CPLX4: variants seen among roughly 807,000 people sequenced by gnomAD.
CPLX4 encodes complexin 4, also known as complexin-4.
In CPLX4, 17 loss-of-function variants were observed where a neutral mutation model predicts 16.1. The observed-to-expected ratio is 1.06, with a 90% CI of 0.72 to 1.59. CPLX4 has a LOEUF of 1.59. CPLX4 is among the 40% of genes most tolerant of loss of function. The probability of loss-of-function intolerance (pLI) is 0.00; values close to 1 mark genes in which losing one functional copy is unlikely to be tolerated. For missense variants in CPLX4, 193 were observed against 192.9 expected (o/e 1.00, Z 0.00); for synonymous variants, 55 against 57.8 (o/e 0.95, Z 0.22).
At chr18:59,307,156 G>A (rs893752178) in intron 2 of CPLX4, among the ~76,000 whole-genome samples, 99 of 152,210 alleles carry the variant, frequency 6.5e-4, no homozygotes, top group Admixed American at 6.5e-3. Context: ...AGTCCTGGAT[G>A]AAGAGTAAGG....
Position 59,318,583 on chromosome 18 carries a change from G to A in CPLX4, c.-121C>T, listed in dbSNP as rs1253944366. On this transcript the variant is annotated 5_prime_UTR_variant, in exon 1 of 3. Transcript: ENST00000299721. ...GACAGCAATACATTTAAGAGCAAAG[G>A]ACTTTGCACAACCTCATCTATTCAA... is the stretch of plus-strand genomic sequence containing the variant. 4 of 1,441,428 alleles carry A rather than the reference G, an allele frequency of 2.8e-6. No homozygotes were observed. The highest frequency in any genetic ancestry group is 3.6e-6 in the Non-Finnish European group (4 of 1,101,782). 89.3% of individuals were successfully genotyped at this position (1,441,428 alleles called of 1,614,324 possible).
At position 59,312,767 on chromosome 18, in the gene CPLX4, TC is replaced by T; in HGVS notation, c.172del (p.Glu58LysfsTer53). The T allele has an allele frequency of 7.6e-7, 1 of 1,310,986 alleles. No individual in the cohort carries two copies. Among genetic ancestry groups the T allele is most frequent in the Non-Finnish European group, 1.1e-6 (1 of 904,078 alleles). The allele number at this position is 1,310,986 out of a possible 1,614,324, so 81.2% of individuals were successfully genotyped here. On this transcript the variant is annotated frameshift_variant, in exon 2 of 3. Transcript: ENST00000299721. LOFTEE classifies it high-confidence loss of function. The part of the protein sequence containing the change: ...YQKQMIEEKM[E>X]RDAAFTQKKA... The stretch of plus-strand genomic sequence containing the variant: ...TTTCTGTGTAAATGCAGCATCTCTT[TC>T]CATCCTAAAAGTTAAAGAATAAAGG...
At chr18:59,316,030 C>T (rs1262861699) in intron 1 of CPLX4, among the ~76,000 whole-genome samples, 1 of 152,160 alleles carries the variant, frequency 6.6e-6, no homozygotes, top group Non-Finnish European at 1.5e-5. Flanking sequence ...ACATTCCTCA[C>T]AATGCTATGC....
intron 2 of CPLX4, among the ~76,000 whole-genome samples, chr18:59,297,866 T>C (rs2144177198): frequency 6.6e-6 from 1 of 152,332 alleles, no homozygotes; most frequent in East Asian, 1.9e-4. Flanking sequence ...TCATGGGCTC[T>C]TGTCAGATTC....
intron 2 of CPLX4, among the ~76,000 whole-genome samples, chr18:59,308,836 C>G (rs779015487): frequency 1.3e-5 from 2 of 152,222 alleles, no homozygotes. Flanking sequence ...CATGGGCCAT[C>G]GAAGGGTCCC....
chr18:59,299,509 C>T (rs1274786488), intron 2 of CPLX4, among the ~76,000 whole-genome samples: 9 of 152,230 alleles, frequency 5.9e-5, no homozygotes, highest in Non-Finnish European at 1.2e-4. Flanking sequence ...TATAAAACAC[C>T]GAACACACTC....
chr18:59,303,884 G>T (rs1340224198), intron 2 of CPLX4, among the ~76,000 whole-genome samples: 1 of 152,200 alleles, frequency 6.6e-6, no homozygotes, highest in African/African-American at 2.4e-5. Context: ...AGAGATGGCG[G>T]CTGCTGGGGC....
chr18:59,313,064 T>C (rs968794744), intron 1 of CPLX4, among the ~76,000 whole-genome samples: 3 of 152,160 alleles, frequency 2.0e-5, no homozygotes, highest in Non-Finnish European at 4.4e-5. Flanking sequence ...CCGTGGACTG[T>C]TCAGCCAGGG....
chr18:59,308,417 G>A (rs191957241), intron 2 of CPLX4, among the ~76,000 whole-genome samples: 38 of 152,120 alleles, frequency 2.5e-4, no homozygotes, highest in African/African-American at 8.7e-4. Context: ...TATGCCATGG[G>A]AGGATAGAAA....
chr18:59,296,615 A>T lies in CPLX4; in HGVS notation c.*83T>A, dbSNP rs2070502333. Reference sequence around the variant, plus strand: ...TTTCCTAACTGTGTTCACTACATTAAAACATGTACTGCTTGAAACGTCCCA... The same window carrying T: ...TTTCCTAACTGTGTTCACTACATTATAACATGTACTGCTTGAAACGTCCCA... On this transcript the variant is annotated 3_prime_UTR_variant, in exon 3 of 3. Transcript: ENST00000299721. The T allele has an allele frequency of 2.0e-6, 3 of 1,477,594 alleles. No individual in the cohort carries two copies. In the African/African-American group the frequency reaches 4.2e-5, roughly 21 times the overall value. 91.5% of individuals were successfully genotyped at this position (1,477,594 alleles called of 1,614,324 possible).
Position 59,296,747 on chromosome 18 carries a change from G to A in CPLX4, c.434C>T (p.Thr145Ile). The change falls in exon 3 of 3, where the codon ACC (threonine) becomes ATC (isoleucine). Residue 145 changes from threonine to isoleucine, a missense_variant. Coordinates refer to ENST00000299721, the MANE Select transcript of CPLX4 (RefSeq NM_181654.4). Reference protein sequence around the residue: ...LDTIKEKAQATFTEIKQTAEQ... With the variant: ...LDTIKEKAQAIFTEIKQTAEQ... Reference sequence around the variant, plus strand: ...CGCTGTCTGCTTGATTTCAGTGAAGGTGGCCTGGGCTTTTTCTTTTATGGT... The same window carrying A: ...CGCTGTCTGCTTGATTTCAGTGAAGATGGCCTGGGCTTTTTCTTTTATGGT... 1 of 1,613,738 alleles carries A rather than the reference G, an allele frequency of 6.2e-7. No homozygotes were observed. Among genetic ancestry groups the A allele is most frequent in the Non-Finnish European group, 8.5e-7 (1 of 1,179,956 alleles).
rs1022771423 is a variant in CPLX4 at position 59,318,465 on chromosome 18, T to C, written c.-3A>G. 3 of 1,594,400 alleles carry C rather than the reference T, an allele frequency of 1.9e-6. No homozygotes were observed. Among genetic ancestry groups the C allele is most frequent in the Non-Finnish European group, 2.6e-6 (3 of 1,173,188 alleles). On this transcript the variant is annotated 5_prime_UTR_variant, in exon 1 of 3. Transcript: ENST00000299721. The stretch of plus-strand genomic sequence containing the variant: ...ATACTTTTCATAAGGAAAGCCATTT[T>C]CTCTGCCCCAGAAAAATAAAACCAA...
Position 59,296,663 on chromosome 18 carries a change from G to A in CPLX4, c.*35C>T. 6.2e-7 allele frequency: 1 copy of A among 1,606,414 alleles called. No individual in the cohort carries two copies. Among genetic ancestry groups the A allele is most frequent in the Non-Finnish European group, 8.5e-7 (1 of 1,174,992 alleles). ...CCACAAGAGAGTGGTCTTTTCCAAG[G>A]ATGGCTGGTTCCCTCCCTCCACCCC... is the stretch of plus-strand genomic sequence containing the variant. On this transcript the variant is annotated 3_prime_UTR_variant, in exon 3 of 3. Coordinates refer to ENST00000299721, the MANE Select transcript of CPLX4 (RefSeq NM_181654.4).
At chr18:59,309,458 A>G (rs989180476) in intron 2 of CPLX4, among the ~76,000 whole-genome samples, 2 of 152,196 alleles carry the variant, frequency 1.3e-5, no homozygotes, top group Non-Finnish European at 2.9e-5. Flanking sequence ...GAGAAATAAT[A>G]TGCTCCCATT....
rs1040680574 is a variant in CPLX4, at chr18:59,296,284, C to T, written c.*414G>A. The T allele has an allele frequency of 1.7e-5, 4 of 231,410 alleles. No homozygotes were observed. Among genetic ancestry groups the T allele is most frequent in the African/African-American group, 9.5e-5 (4 of 41,996 alleles). The allele number at this position is 231,410 out of a possible 1,614,324, so 14.3% of individuals were successfully genotyped here. A position where few individuals can be genotyped will look rare whatever the true frequency, so the allele number is the denominator to read the frequency against. ...TGGGAAACCCGGCTCCCAGTAGACA[C>T]CTTGACTCTCCACATTTCTCTCTGA... is the stretch of plus-strand genomic sequence containing the variant. On this transcript the variant is annotated 3_prime_UTR_variant, in exon 3 of 3. Coordinates refer to ENST00000299721, the MANE Select transcript of CPLX4 (RefSeq NM_181654.4).
chr18:59,316,622 T>C (rs904747891), intron 1 of CPLX4, among the ~76,000 whole-genome samples: 2 of 152,170 alleles, frequency 1.3e-5, no homozygotes, highest in Non-Finnish European at 2.9e-5. Context: ...ATTGAGTGAC[T>C]ACATAAATAT....
intron 1 of CPLX4, among the ~76,000 whole-genome samples, chr18:59,315,322 C>G (rs2070644502): frequency 6.6e-6 from 1 of 152,178 alleles, no homozygotes; most frequent in African/African-American, 2.4e-5. Flanking sequence ...TTTTCATGTA[C>G]TAATTGGCCA....
At position 59,318,373 on chromosome 18, in the gene CPLX4, A is replaced by G; in HGVS notation, c.90T>C (p.Gly30=). ...GGSEENKEEG[G]ASDPAAAQGM... ...CTTGAGCTGCTGCAGGATCAGATGC[A>G]CCTCCTTCTTCTTTATTTTCTTCAG... Residue 30 remains glycine (G), a synonymous_variant, in exon 1 of 3, where the codon GGT becomes GGC. Coordinates refer to ENST00000299721, the MANE Select transcript of CPLX4 (RefSeq NM_181654.4). 1 of 1,613,772 alleles carries G rather than the reference A, an allele frequency of 6.2e-7. No individual in the cohort carries two copies. The highest frequency in any genetic ancestry group is 8.5e-7 in the Non-Finnish European group (1 of 1,179,856).
intron 1 of CPLX4, among the ~76,000 whole-genome samples, chr18:59,315,333 T>C (rs991990823): frequency 6.6e-6 from 1 of 152,268 alleles, no homozygotes. Context: ...TAATTGGCCA[T>C]GTATCTATCT....
Sources: gnomAD v4.1 joint callset for allele counts (sites outside exome capture counted in the v4.1 genomes callset) on GRCh38, gnomAD v4.1.1 for gene constraint, MANE v1.5 for transcripts, NCBI Gene and HGNC (gene_info 2026-07-23, HGNC 2026-07-21) for gene names.